DDC: variants seen among roughly 807,000 people sequenced by gnomAD.
DDC encodes the protein dopa decarboxylase.
Under a neutral mutation model 60.0 loss-of-function variants are expected in DDC, and 43 were observed. That is an observed-to-expected ratio of 0.72 (90% confidence interval 0.56 to 0.92). The LOEUF (loss-of-function observed/expected upper bound fraction) is 0.92, where lower values mean the gene tolerates loss of function less well. DDC is among the 40% of genes least tolerant of loss of function. The pLI, the probability that DDC is intolerant of heterozygous loss-of-function variation, is 0.00. For missense variants in DDC, 573 were observed against 620.2 expected, an observed-to-expected ratio of 0.92 and a Z score of 0.81; for synonymous variants, 232 against 234.6, an observed-to-expected ratio of 0.99 and a Z score of 0.10.
chr7:50,477,928 G>A (rs1164912752), intron 10 of DDC, among the ~76,000 whole-genome samples: 3 of 152,106 alleles, frequency 2.0e-5, no homozygotes, highest in Non-Finnish European at 2.9e-5. Context: ...GACGCCAGGC[G>A]TGGTGGCTCA....
At chr7:50,514,117 A>G (rs1170605804) in intron 6 of DDC, among the ~76,000 whole-genome samples, 1 of 152,188 alleles carries the variant, frequency 6.6e-6, no homozygotes. Flanking sequence ...GCTGGTATCC[A>G]TGGCTGAGAG....
At chr7:50,559,961 C>G (rs568551765) in intron 1 of DDC, among the ~76,000 whole-genome samples, 8 of 152,134 alleles carry the variant, frequency 5.3e-5, no homozygotes, top group African/African-American at 1.9e-4. Context: ...TGTGTGTAGA[C>G]GCCCACCTAG....
At chr7:50,463,914 T>G (rs1193146683) in intron 13 of DDC, among the ~76,000 whole-genome samples, 1 of 152,012 alleles carries the variant, frequency 6.6e-6, no homozygotes, top group Non-Finnish European at 1.5e-5. Flanking sequence ...CACTGGTGCC[T>G]CTCCAGACAA....
intron 3 of DDC, among the ~76,000 whole-genome samples, chr7:50,538,220 G>A (rs1021694662): frequency 4.6e-5 from 7 of 152,076 alleles, no homozygotes; most frequent in Non-Finnish European, 8.8e-5. Flanking sequence ...TGGGCTCTGC[G>A]GGCTTGCTAG....
intron 6 of DDC, among the ~76,000 whole-genome samples, chr7:50,514,690 G>C (rs2043679931): frequency 6.6e-6 from 1 of 152,136 alleles, no homozygotes; most frequent in African/African-American, 2.4e-5. Flanking sequence ...GGAATGCTCT[G>C]GAAAGTCTCA....
rs6950777 is a variant in DDC, at chr7:50,529,358, G to A, written c.436-16C>T. 0.24 allele frequency: 394,079 copies of A among 1,613,124 alleles called. 50,494 individuals carry two copies. Among genetic ancestry groups the A allele is most frequent in the African/African-American group, 0.39 (29,460 of 74,944 alleles). ...TGGCACTTCCCTAAATTCAAGAGAA[G>A]GTCCAAATGAAATCCCAAACATAGC... On this transcript the variant is annotated splice_polypyrimidine_tract_variant and intron_variant, in intron 4 of 14. Coordinates refer to ENST00000444124, the MANE Select transcript of DDC (RefSeq NM_001082971.2).
chr7:50,541,876 GC>G (rs2153549719), intron 2 of DDC, among the ~76,000 whole-genome samples: 1 of 152,336 alleles, frequency 6.6e-6, no homozygotes, highest in Non-Finnish European at 1.5e-5. Context: ...TGTGAAGGCA[GC>G]CAACTGAGAG....
At chr7:50,484,670 G>A (rs1053442814) in intron 9 of DDC, among the ~76,000 whole-genome samples, 3 of 152,062 alleles carry the variant, frequency 2.0e-5, no homozygotes, top group Admixed American at 2.0e-4. Context: ...CACACACACA[G>A]AGAAACATGC....
At chr7:50,480,072 T>C in intron 9 of DDC, 2 of 583,308 alleles carry the variant, frequency 3.4e-6, no homozygotes, top group Non-Finnish European at 6.1e-6. Context: ...TACCAGTTCC[T>C]GGCACACAGC....
chr7:50,545,051 G>C (rs1014058389), intron 1 of DDC, among the ~76,000 whole-genome samples: 1 of 152,074 alleles, frequency 6.6e-6, no homozygotes, highest in Non-Finnish European at 1.5e-5. Context: ...CACATTTGGG[G>C]GTCATTTTAA....
At chr7:50,476,118 T>A (rs1386720644) in intron 11 of DDC, among the ~76,000 whole-genome samples, 2 of 152,212 alleles carry the variant, frequency 1.3e-5, no homozygotes, top group Non-Finnish European at 2.9e-5. Context: ...GGTCCCAAAT[T>A]CCTTTCCAGA....
At chr7:50,509,180 G>A (rs1025905543) in intron 6 of DDC, among the ~76,000 whole-genome samples, 2 of 151,850 alleles carry the variant, frequency 1.3e-5, no homozygotes, top group Non-Finnish European at 2.9e-5. Flanking sequence ...GGGCTGGTAC[G>A]GTGCCGGTGC....
chr7:50,510,668 C>CAAAAAA (rs71018473), intron 6 of DDC, among the ~76,000 whole-genome samples: 1 of 99,676 alleles, frequency 1.0e-5, no homozygotes, highest in African/African-American at 3.9e-5. Flanking sequence ...GACTCCATCT[C>CAAAAAA]AAAAAAAAAA....
intron 11 of DDC, among the ~76,000 whole-genome samples, chr7:50,472,746 C>T (rs762302605): frequency 4.6e-5 from 7 of 152,146 alleles, no homozygotes; most frequent in Non-Finnish European, 7.3e-5. Context: ...TGCCATACCT[C>T]GCGTCCTGAA....
chr7:50,526,261 T>A lies in DDC; in HGVS notation c.714+1876A>T, dbSNP rs368122289. The stretch of plus-strand genomic sequence containing the variant: ...ATTACAACTGACATCTCAACAGAAA[T>A]CATGGAAGAAAGAATTCAATGGACT... On this transcript the variant is annotated intron_variant, in intron 6 of 14. Coordinates refer to ENST00000444124, the MANE Select transcript of DDC (RefSeq NM_001082971.2). Among the ~76,000 whole-genome samples the A allele has an allele frequency of 3.9e-5, 6 of 152,130 alleles. No individual in the cohort carries two copies. In the East Asian group the frequency reaches 1.2e-3, roughly 29 times the overall value.
At chr7:50,511,215 T>C (rs950363413) in intron 6 of DDC, among the ~76,000 whole-genome samples, 2 of 151,630 alleles carry the variant, frequency 1.3e-5, no homozygotes, top group African/African-American at 4.8e-5. Context: ...TATTTATTTA[T>C]GTTATATGTA....
At chr7:50,486,227 G>A (rs540302957) in intron 9 of DDC, among the ~76,000 whole-genome samples, 3 of 152,262 alleles carry the variant, frequency 2.0e-5, no homozygotes, top group African/African-American at 7.2e-5. Context: ...GGTTCTATGT[G>A]CATCTTTTTG....
chr7:50,529,742 C>G (rs1305221195), intron 4 of DDC, among the ~76,000 whole-genome samples: 1 of 152,164 alleles, frequency 6.6e-6, no homozygotes, highest in East Asian at 1.9e-4. Context: ...TCGGACAGAG[C>G]GATTTGCATT....
At chr7:50,462,763 T>G (rs2042306348) in intron 14 of DDC, among the ~76,000 whole-genome samples, 1 of 141,288 alleles carries the variant, frequency 7.1e-6, no homozygotes, top group South Asian at 2.2e-4. Flanking sequence ...TTTTCTCTTC[T>G]TCTTGTTTTT....
Sources: allele counts gnomAD v4.1 joint callset (sites outside exome capture counted in the v4.1 genomes callset), GRCh38; gene constraint gnomAD v4.1.1; transcripts MANE v1.5; gene names NCBI Gene and HGNC (gene_info 2026-07-23, HGNC 2026-07-21).